Variants in THOC2 observed in about 807,000 individuals in gnomAD.
THOC2 encodes THO complex subunit 2.
In THOC2, 10 loss-of-function variants were observed where a neutral mutation model predicts 128.4. The observed-to-expected ratio is 0.08, with a 90% CI of 0.05 to 0.13. THOC2 has a LOEUF of 0.13. Among genes scored for constraint, THOC2 ranks in the 10% least tolerant of loss-of-function variants. THOC2 has a pLI of 1.00. For synonymous variants in THOC2, 393 were observed against 396.9 expected (o/e 0.99, Z 0.12); for missense variants, 535 against 1,155.7 (o/e 0.46, Z 7.79).
chrX:123,681,785 A>G (rs2049793929), intron 8 of THOC2, among the ~76,000 whole-genome samples: 1 of 112,530 alleles, frequency 8.9e-6, no homozygotes, highest in Non-Finnish European at 1.9e-5. Context: ...AATACAGTCT[A>G]GGTTTATTAT....
intron 15 of THOC2, among the ~76,000 whole-genome samples, chrX:123,642,569 C>G (rs1284745275): frequency 9.1e-6 from 1 of 110,213 alleles, no homozygotes; most frequent in Non-Finnish European, 1.9e-5. Context: ...ATCAACAGAA[C>G]AGTACTTATA....
chrX:123,635,259 T>C (rs1347781537), intron 19 of THOC2, among the ~76,000 whole-genome samples: 1 of 111,889 alleles, frequency 8.9e-6, no homozygotes, highest in Non-Finnish European at 1.9e-5. Flanking sequence ...TATATTCTCC[T>C]GGCCTATAGA....
chrX:123,679,619 C>T (rs1047233324), intron 8 of THOC2, among the ~76,000 whole-genome samples: 1 of 111,909 alleles, frequency 8.9e-6, no homozygotes, highest in South Asian at 3.7e-4. Flanking sequence ...AACACCAGGT[C>T]CGTATATCCA....
chrX:123,603,732 G>C (rs1244648544), intron 38 of THOC2: 3 of 390,097 alleles, frequency 7.7e-6, no homozygotes, highest in Non-Finnish European at 1.4e-5. Flanking sequence ...TTTCGGCTTA[G>C]GGGGTCTGTC....
At chrX:123,703,076 A>C (rs1236572836) in intron 4 of THOC2, among the ~76,000 whole-genome samples, 1 of 112,013 alleles carries the variant, frequency 8.9e-6, no homozygotes, top group Non-Finnish European at 1.9e-5. Context: ...AAAAGAGTAC[A>C]AGAGCAAAGT....
intron 23 of THOC2, 28 bp downstream of exon 23, chrX:123,627,665 C>T (rs1446242154): frequency 8.4e-7 from 1 of 1,194,759 alleles, no homozygotes; most frequent in Admixed American, 2.2e-5. Context: ...AAAGTTATTG[C>T]ACTTGAACTA....
At chrX:123,665,599 T>C in intron 12 of THOC2, 43 bp downstream of exon 12, 1 of 941,949 alleles carries the variant, frequency 1.1e-6, no homozygotes, top group South Asian at 3.1e-5. Flanking sequence ...ACTCAGAATA[T>C]TTTCATTTCA....
chrX:123,693,619 G>A (rs1017459531), intron 7 of THOC2, among the ~76,000 whole-genome samples: 1 of 111,205 alleles, frequency 9.0e-6, no homozygotes, highest in African/African-American at 3.3e-5. Context: ...CAAGAATAGA[G>A]GAAATATTCA....
chrX:123,668,265 G>T lies in THOC2; in HGVS notation c.911C>A (p.Ala304Glu). The change falls in exon 10 of 39, where the codon GCG becomes GAG. Residue 304 changes from alanine (A) to glutamate (E), a missense_variant. Physicochemically the swap from Ala to Glu is moderately radical, Grantham distance 107. Coordinates refer to ENST00000245838, the MANE Select transcript of THOC2 (RefSeq NM_001081550.2). The part of the protein sequence containing the change: ...CIMDEHKREI[A>E]EAKQIVRKLT... ...CTTTCTAACAATTTGCTTAGCTTCC[G>T]CAATTTCTCGTTTGTGTTCATCCAT... is the stretch of plus-strand genomic sequence containing the variant. 1 of 1,199,533 alleles carries T rather than the reference G, an allele frequency of 8.3e-7. No homozygotes were observed. The highest frequency in any genetic ancestry group is 1.1e-6 in the Non-Finnish European group (1 of 889,083).
Position 123,703,436 on chromosome X carries a change from T to A in THOC2, c.274+18A>T. 1.8e-6 allele frequency: 2 copies of A among 1,098,241 alleles called. No individual in the cohort carries two copies. The highest frequency in any genetic ancestry group is 2.5e-6 in the Non-Finnish European group (2 of 802,478). The allele number at this position is 1,098,241 out of a possible 1,213,427, so 90.5% of individuals were successfully genotyped here. A position where few individuals can be genotyped will look rare whatever the true frequency, so the allele number is the denominator to read the frequency against. On this transcript the variant is annotated intron_variant, in intron 4 of 38. Coordinates refer to ENST00000245838, the MANE Select transcript of THOC2 (RefSeq NM_001081550.2). Reference sequence around the variant, plus strand: ...ACCACACAGCACATTACAGGTGAAATAAAGGCTTAATACCTACCTAATATG... The same window carrying A: ...ACCACACAGCACATTACAGGTGAAAAAAAGGCTTAATACCTACCTAATATG...
At chrX:123,721,838 T>C (rs2051716273) in intron 1 of THOC2, among the ~76,000 whole-genome samples, 1 of 111,012 alleles carries the variant, frequency 9.0e-6, no homozygotes, top group African/African-American at 3.3e-5. Flanking sequence ...ATAGCCTATA[T>C]GATGAAATTT....
intron 2 of THOC2, among the ~76,000 whole-genome samples, chrX:123,711,195 G>GT (rs763172522): frequency 0.022 from 2,036 of 94,096 alleles, 51 homozygotes; most frequent in African/African-American, 0.025. Flanking sequence ...ATTTTTTTTT[G>GT]TTTTTGTTTT....
chrX:123,610,831 T>C (rs2046674546), intron 38 of THOC2, 87 bp downstream of exon 38: 8 of 838,055 alleles, frequency 9.5e-6, no homozygotes, highest in Non-Finnish European at 1.4e-5. Context: ...TAGTTGTAGC[T>C]TGTAAAATGC....
intron 3 of THOC2, among the ~76,000 whole-genome samples, chrX:123,706,397 T>G: frequency 9.0e-6 from 1 of 111,126 alleles, no homozygotes; most frequent in Non-Finnish European, 1.9e-5. Flanking sequence ...ATACTTTAAG[T>G]TCTAGGGTAC....
At chrX:123,656,248 G>A (rs1365006515) in intron 12 of THOC2, among the ~76,000 whole-genome samples, 7 of 103,134 alleles carry the variant, frequency 6.8e-5, no homozygotes, top group African/African-American at 1.1e-4. Flanking sequence ...GCTTGAACCC[G>A]TGAACCCGGG....
At chrX:123,656,878 C>T (rs1263534591) in intron 12 of THOC2, among the ~76,000 whole-genome samples, 1 of 109,146 alleles carries the variant, frequency 9.2e-6, no homozygotes, top group African/African-American at 3.3e-5. Flanking sequence ...GGTGTGGTGG[C>T]GCATGCTTAT....
At chrX:123,685,143 G>A (rs1406034291) in intron 8 of THOC2, among the ~76,000 whole-genome samples, 3 of 112,501 alleles carry the variant, frequency 2.7e-5, no homozygotes, top group African/African-American at 9.7e-5. Flanking sequence ...TACAATTAGT[G>A]AGCATTTACT....
intron 7 of THOC2, among the ~76,000 whole-genome samples, chrX:123,687,428 A>G (rs2050043414): frequency 8.9e-6 from 1 of 112,063 alleles, no homozygotes; most frequent in Non-Finnish European, 1.9e-5. Context: ...TTCATTAAAC[A>G]TAGTCCCTAA....
chrX:123,676,576 A>T (rs1002770913), intron 8 of THOC2, among the ~76,000 whole-genome samples: 3 of 112,367 alleles, frequency 2.7e-5, no homozygotes, highest in Non-Finnish European at 5.6e-5. Context: ...CCACTTCGTT[A>T]TGTTGTTTTT....
Sources: gnomAD v4.1 joint callset for allele counts (sites outside exome capture counted in the v4.1 genomes callset) on GRCh38, gnomAD v4.1.1 for gene constraint, MANE v1.5 for transcripts, NCBI Gene and HGNC (gene_info 2026-07-23, HGNC 2026-07-21) for gene names.